The following CRPPA variants were observed in gnomAD, a reference collection of about 807,000 sequenced individuals.
CRPPA encodes D-ribitol-5-phosphate cytidylyltransferase.
A neutral mutation model predicts 52.0 loss-of-function variants in CRPPA; 43 were observed. That is an observed-to-expected ratio of 0.83 (90% CI 0.65 to 1.07). The LOEUF is 1.07. Among genes scored for constraint, CRPPA ranks in the 50% least tolerant of loss-of-function variants. The pLI is 0.00. For synonymous variants in CRPPA, 250 were observed against 203.5 expected (o/e 1.23, Z -1.94); for missense variants, 629 against 551.7 (o/e 1.14, Z -1.40).
chr7:16,121,185 T>C (rs965529375), intron 9 of CRPPA, among the ~76,000 whole-genome samples: 1 of 152,070 alleles, frequency 6.6e-6, no homozygotes, highest in Non-Finnish European at 1.5e-5. Flanking sequence ...CATAGCTACA[T>C]TAGAAATATA....
At chr7:16,370,198 A>T (rs1314411335) in intron 3 of CRPPA, among the ~76,000 whole-genome samples, 1 of 152,048 alleles carries the variant, frequency 6.6e-6, no homozygotes, top group Non-Finnish European at 1.5e-5. Flanking sequence ...ATATAATCTC[A>T]AGTGGGGATA....
intron 1 of CRPPA, among the ~76,000 whole-genome samples, chr7:16,409,025 C>G (rs1343081895): frequency 6.6e-6 from 1 of 152,170 alleles, no homozygotes; most frequent in Non-Finnish European, 1.5e-5. Context: ...CCTCAGCCTC[C>G]CAAGTAGCTG....
At chr7:16,386,656 G>A (rs923124082) in intron 2 of CRPPA, among the ~76,000 whole-genome samples, 1 of 152,152 alleles carries the variant, frequency 6.6e-6, no homozygotes, top group Non-Finnish European at 1.5e-5. Context: ...ACACCAGATG[G>A]CAACTTGCAC....
chr7:16,344,688 G>C (rs757180951), intron 3 of CRPPA, among the ~76,000 whole-genome samples: 1 of 151,942 alleles, frequency 6.6e-6, no homozygotes, highest in Non-Finnish European at 1.5e-5. Context: ...GAAGAAAAAG[G>C]TATAAGTTCT....
intron 3 of CRPPA, among the ~76,000 whole-genome samples, chr7:16,352,296 A>C (rs1786176502): frequency 6.6e-6 from 1 of 152,074 alleles, no homozygotes; most frequent in Non-Finnish European, 1.5e-5. Flanking sequence ...GGAGAACATT[A>C]GGACAAAAAA....
At chr7:16,218,352 G>C (rs1171459473) in intron 8 of CRPPA, among the ~76,000 whole-genome samples, 7 of 132,092 alleles carry the variant, frequency 5.3e-5, no homozygotes, top group African/African-American at 1.7e-4. Context: ...AAAATGTAAA[G>C]ACCATCGAGA....
intron 9 of CRPPA, among the ~76,000 whole-genome samples, chr7:16,188,280 T>C (rs1401012562): frequency 6.6e-6 from 1 of 152,018 alleles, no homozygotes; most frequent in East Asian, 1.9e-4. Context: ...CTAAATAACT[T>C]TGTCCTATTT....
chr7:16,262,851 C>T (rs1390288693), intron 6 of CRPPA, among the ~76,000 whole-genome samples: 1 of 152,202 alleles, frequency 6.6e-6, no homozygotes, highest in Non-Finnish European at 1.5e-5. Flanking sequence ...AGATTATCAT[C>T]TGCACTTACT....
intron 1 of CRPPA, 67 bp downstream of exon 1, chr7:16,420,999 A>C: frequency 8.1e-7 from 1 of 1,235,916 alleles, no homozygotes; most frequent in South Asian, 3.5e-5. Context: ...GCGCTAGAGC[A>C]GCGGCAGGGC....
At chr7:16,272,693 G>C (rs189404899) in intron 6 of CRPPA, among the ~76,000 whole-genome samples, 137 of 152,322 alleles carry the variant, frequency 9.0e-4, no homozygotes, top group Admixed American at 2.8e-3. Flanking sequence ...TTCCTAAGGG[G>C]ATGTCTTTCA....
intron 1 of CRPPA, among the ~76,000 whole-genome samples, chr7:16,407,745 C>A (rs774603802): frequency 6.6e-6 from 1 of 152,120 alleles, no homozygotes; most frequent in Non-Finnish European, 1.5e-5. Context: ...AAACCAAGAG[C>A]TACTTTATAG....
chr7:16,405,104 G>GA lies in CRPPA; in HGVS notation c.534+956dup, dbSNP rs533084010. On this transcript the variant is annotated intron_variant, in intron 2 of 9. Coordinates refer to ENST00000407010, the MANE Select transcript of CRPPA (RefSeq NM_001101426.4). ...TCTTTCCTAAATAGGTTTTAAAGGGGAAAAAAAAAAAAGCTTCTGGGCACC... is the reference window on the plus strand; with the variant it reads ...TCTTTCCTAAATAGGTTTTAAAGGGGAAAAAAAAAAAAAGCTTCTGGGCACC... Among the ~76,000 whole-genome samples, 492 of 140,904 alleles carry GA rather than the reference G, an allele frequency of 3.5e-3. 2 individuals carry two copies. Among genetic ancestry groups the GA allele is most frequent in the African/African-American group, 0.011 (416 of 38,776 alleles). The allele number at this position is 140,904 out of a possible 152,430, so 92.4% of individuals were successfully genotyped here.
intron 9 of CRPPA, among the ~76,000 whole-genome samples, chr7:16,113,721 C>T (rs1468936618): frequency 6.6e-6 from 1 of 151,236 alleles, no homozygotes; most frequent in Non-Finnish European, 1.5e-5. Context: ...ACAACACTCC[C>T]CCCTCCACAC....
intron 9 of CRPPA, among the ~76,000 whole-genome samples, chr7:16,158,268 T>C (rs1004082059): frequency 6.6e-6 from 1 of 152,160 alleles, no homozygotes; most frequent in African/African-American, 2.4e-5. Context: ...ATTTTTCCTT[T>C]GTACCACCCT....
intron 9 of CRPPA, chr7:16,210,732 C>T (rs547784722): frequency 3.9e-5 from 6 of 152,058 alleles, no homozygotes; most frequent in Admixed American, 2.0e-4. Flanking sequence ...TAATAGCTAA[C>T]AAATGCACTG....
At chr7:16,390,495 GTCT>G (rs1012851119) in intron 2 of CRPPA, among the ~76,000 whole-genome samples, 83 of 152,204 alleles carry the variant, frequency 5.5e-4, no homozygotes, top group Non-Finnish European at 2.4e-4. Flanking sequence ...ATAGTTCTTA[GTCT>G]TCTTGAGTGT....
chr7:16,331,991 G>A (rs1257795823), intron 3 of CRPPA, among the ~76,000 whole-genome samples: 2 of 152,128 alleles, frequency 1.3e-5, no homozygotes, highest in Non-Finnish European at 1.5e-5. Flanking sequence ...GAAGCTCAGT[G>A]AACACCAAGC....
chr7:16,118,201 G>A (rs150554865), intron 9 of CRPPA, among the ~76,000 whole-genome samples: 10 of 152,178 alleles, frequency 6.6e-5, no homozygotes, highest in South Asian at 6.2e-4. Context: ...AATTTTGGGC[G>A]CACCACCCAA....
intron 3 of CRPPA, among the ~76,000 whole-genome samples, chr7:16,315,724 T>C (rs1311914151): frequency 6.8e-6 from 1 of 147,816 alleles, no homozygotes; most frequent in African/African-American, 2.4e-5. Context: ...CTCATAAGAC[T>C]GTGGGGGCTC....
Sources: allele counts gnomAD v4.1 joint callset (sites outside exome capture counted in the v4.1 genomes callset), GRCh38; gene constraint gnomAD v4.1.1; transcripts MANE v1.5; gene names NCBI Gene and HGNC (gene_info 2026-07-23, HGNC 2026-07-21).